The following ROBO1 variants were observed in gnomAD, a reference collection of about 807,000 sequenced individuals.
ROBO1 encodes roundabout guidance receptor 1, also known as roundabout homolog 1.
In ROBO1, 149 loss-of-function variants were observed where a neutral mutation model predicts 195.9. The observed-to-expected ratio is 0.76, with a 90% CI of 0.67 to 0.87. The LOEUF (loss-of-function observed/expected upper bound fraction) is 0.87. ROBO1 is among the 40% of genes least tolerant of loss of function. The pLI, the probability that ROBO1 is intolerant of heterozygous loss-of-function variation, is 0.00. For synonymous variants in ROBO1, 816 were observed against 733.2 expected (o/e 1.11, Z -1.82); for missense variants, 1,933 against 2,068.3 (o/e 0.93, Z 1.27).
chr3:79,738,389 T>C (rs186605768), intron 1 of ROBO1, among the ~76,000 whole-genome samples: 8 of 152,326 alleles, frequency 5.3e-5, no homozygotes, highest in Admixed American at 2.0e-4. Flanking sequence ...TAAATCAATG[T>C]TGTGCATAAA....
At chr3:79,766,975 C>T (rs749042444) in intron 1 of ROBO1, among the ~76,000 whole-genome samples, 4 of 152,074 alleles carry the variant, frequency 2.6e-5, no homozygotes, top group South Asian at 4.1e-4. Flanking sequence ...TCCTCCTTCC[C>T]TCCCTCATTT....
chr3:79,694,434 G>T (rs1035784818), intron 1 of ROBO1, among the ~76,000 whole-genome samples: 2 of 151,718 alleles, frequency 1.3e-5, no homozygotes, highest in African/African-American at 4.8e-5. Flanking sequence ...GGAAGGTGTG[G>T]TTTACCACCC....
At chr3:78,933,004 G>C (rs962221290) in intron 4 of ROBO1, among the ~76,000 whole-genome samples, 1 of 152,086 alleles carries the variant, frequency 6.6e-6, no homozygotes, top group Non-Finnish European at 1.5e-5. Context: ...CTAGAAAGTT[G>C]CTAAGGATTA....
intron 2 of ROBO1, among the ~76,000 whole-genome samples, chr3:79,363,785 T>C (rs1472002259): frequency 6.6e-6 from 1 of 152,228 alleles, no homozygotes; most frequent in Non-Finnish European, 1.5e-5. Flanking sequence ...TATTCCTTTC[T>C]TCATTGTGAC....
intron 2 of ROBO1, among the ~76,000 whole-genome samples, chr3:79,269,758 G>C (rs1397965496): frequency 1.3e-5 from 2 of 151,688 alleles, no homozygotes; most frequent in East Asian, 3.9e-4. Flanking sequence ...TGAGGAATAT[G>C]AGCTGCAGAT....
chr3:78,971,450 G>A (rs950807143), intron 3 of ROBO1, among the ~76,000 whole-genome samples: 20 of 152,218 alleles, frequency 1.3e-4, no homozygotes, highest in African/African-American at 4.6e-4. Context: ...GGTCTAAAGT[G>A]TGGCTCCAAC....
chr3:79,555,303 T>C (rs569825668), intron 2 of ROBO1, among the ~76,000 whole-genome samples: 2 of 152,252 alleles, frequency 1.3e-5, no homozygotes, highest in South Asian at 4.1e-4. Flanking sequence ...GGCCATGTTC[T>C]TGCTGACCCT....
intron 2 of ROBO1, among the ~76,000 whole-genome samples, chr3:79,248,366 A>T (rs541505359): frequency 6.9e-6 from 1 of 145,454 alleles, no homozygotes; most frequent in African/African-American, 2.6e-5. Context: ...CTAGATGGGA[A>T]GACAGACCAA....
At chr3:78,859,289 C>T (rs1466817797) in intron 4 of ROBO1, among the ~76,000 whole-genome samples, 1 of 152,106 alleles carries the variant, frequency 6.6e-6, no homozygotes, top group Non-Finnish European at 1.5e-5. Flanking sequence ...GGTTGAGTAT[C>T]CCTTATTCAT....
chr3:79,634,824 C>T (rs1271536598), intron 1 of ROBO1, among the ~76,000 whole-genome samples: 1 of 152,068 alleles, frequency 6.6e-6, no homozygotes, highest in Non-Finnish European at 1.5e-5. Context: ...GTTTGTAATG[C>T]AGCTATAATT....
chr3:78,935,701 A>T (rs2039768548), intron 4 of ROBO1, among the ~76,000 whole-genome samples: 1 of 152,060 alleles, frequency 6.6e-6, no homozygotes, highest in Non-Finnish European at 1.5e-5. Flanking sequence ...TGTCTTAAAA[A>T]CAGCAAAGTA....
intron 2 of ROBO1, among the ~76,000 whole-genome samples, chr3:79,179,324 A>G (rs1361434645): frequency 6.6e-6 from 1 of 152,218 alleles, no homozygotes; most frequent in Non-Finnish European, 1.5e-5. Flanking sequence ...AATTATAAAT[A>G]TTTAGCTAAG....
chr3:79,596,855 T>C (rs1168497906), intron 1 of ROBO1, among the ~76,000 whole-genome samples: 1 of 152,038 alleles, frequency 6.6e-6, no homozygotes, highest in African/African-American at 2.4e-5. Flanking sequence ...ACAAATTGTA[T>C]AACTTGGAGA....
At chr3:78,795,215 T>C (rs922526252) in intron 4 of ROBO1, among the ~76,000 whole-genome samples, 1 of 152,068 alleles carries the variant, frequency 6.6e-6, no homozygotes, top group Non-Finnish European at 1.5e-5. Flanking sequence ...AAGAAAACAA[T>C]GAAACATAAT....
chr3:78,864,447 T>C (rs750989601), intron 4 of ROBO1, among the ~76,000 whole-genome samples: 5 of 151,912 alleles, frequency 3.3e-5, no homozygotes, highest in Non-Finnish European at 5.9e-5. Context: ...TAAGATGGCA[T>C]ACATGCAAAT....
In ROBO1 at chr3:79,247,853, A is replaced by C. The variant is rs553485636; in HGVS notation, c.89-122314T>G. Among the ~76,000 whole-genome samples the C allele has an allele frequency of 6.6e-5, 10 of 152,258 alleles. No individual in the cohort carries two copies. In the East Asian group the frequency reaches 1.5e-3, roughly 24 times the overall value. On this transcript the variant is annotated intron_variant, in intron 2 of 30. Transcript: ENST00000464233. ...GGCAGAAGGACTTATTTAAACTGGA[A>C]AGTCCCAGACACAGAATAAATAAGC...
At chr3:79,064,041 G>A (rs1447668903) in intron 3 of ROBO1, among the ~76,000 whole-genome samples, 2 of 151,802 alleles carry the variant, frequency 1.3e-5, no homozygotes, top group South Asian at 2.1e-4. Flanking sequence ...TAGAGCAACC[G>A]TAGCTAATAA....
intron 24 of ROBO1, among the ~76,000 whole-genome samples, chr3:78,631,547 T>C (rs1052731185): frequency 6.6e-6 from 1 of 152,180 alleles, no homozygotes; most frequent in Admixed American, 6.5e-5. Flanking sequence ...TTTCAAGTCA[T>C]ATCATTAATA....
chr3:78,879,088 A>G (rs975666897), intron 4 of ROBO1, among the ~76,000 whole-genome samples: 3 of 152,134 alleles, frequency 2.0e-5, no homozygotes, highest in Non-Finnish European at 4.4e-5. Flanking sequence ...GTTCTACTAT[A>G]CTTCTGCCTA....
Sources: allele counts gnomAD v4.1 joint callset (sites outside exome capture counted in the v4.1 genomes callset), GRCh38; gene constraint gnomAD v4.1.1; transcripts MANE v1.5; gene names NCBI Gene and HGNC (gene_info 2026-07-23, HGNC 2026-07-21).